NTM: variants seen among roughly 807,000 people sequenced by gnomAD.
NTM encodes the protein neurotrimin, also known as IgLON family member 2.
In NTM, 13 loss-of-function variants were observed where a neutral mutation model predicts 42.1. The observed-to-expected ratio is 0.31, with a 90% CI of 0.20 to 0.49. NTM has a LOEUF of 0.49. Among genes scored for constraint, NTM ranks in the 20% least tolerant of loss-of-function variants. The pLI is 0.99. For missense variants in NTM, 373 were observed against 452.8 expected (o/e 0.82, Z 1.60); for synonymous variants, 187 against 179.2 (o/e 1.04, Z -0.35).
chr11:131,388,806 G>A (rs984052545), intron 1 of NTM, among the ~76,000 whole-genome samples: 5 of 151,812 alleles, frequency 3.3e-5, no homozygotes, highest in South Asian at 2.1e-4. Context: ...GAGGTCAGGA[G>A]TTTGAGACCA....
At chr11:131,779,221 G>A (rs892740693) in intron 1 of NTM, among the ~76,000 whole-genome samples, 1 of 152,172 alleles carries the variant, frequency 6.6e-6, no homozygotes, top group Non-Finnish European at 1.5e-5. Context: ...GAAACCTCAG[G>A]TGAGAATCTC....
intron 2 of NTM, among the ~76,000 whole-genome samples, chr11:132,075,534 T>C (rs563672080): frequency 6.6e-6 from 1 of 152,218 alleles, no homozygotes; most frequent in Non-Finnish European, 1.5e-5. Flanking sequence ...TTTATACATA[T>C]GTATACCTAT....
intron 1 of NTM, among the ~76,000 whole-genome samples, chr11:131,575,948 CA>C (rs1280036102): frequency 4.6e-5 from 7 of 152,152 alleles, no homozygotes; most frequent in Non-Finnish European, 1.0e-4. Flanking sequence ...CTTCTAATAC[CA>C]GGGTTAAAAT....
chr11:132,075,363 A>AT (rs1389330043), intron 2 of NTM, among the ~76,000 whole-genome samples: 5 of 152,238 alleles, frequency 3.3e-5, no homozygotes, highest in African/African-American at 1.2e-4. Flanking sequence ...ACATATTAAA[A>AT]TGTGAAAACA....
chr11:131,976,580 A>C (rs2064419145), intron 2 of NTM, among the ~76,000 whole-genome samples: 1 of 152,162 alleles, frequency 6.6e-6, no homozygotes, highest in Admixed American at 6.5e-5. Context: ...TTTCAGTGTC[A>C]GTTCTTCCTC....
intron 1 of NTM, among the ~76,000 whole-genome samples, chr11:131,874,041 AT>A (rs371155049): frequency 0.022 from 585 of 26,200 alleles, 27 homozygotes; most frequent in African/African-American, 0.062. Flanking sequence ...ATATATATAT[AT>A]ATATATATAT....
chr11:131,696,123 C>A (rs191140964), intron 1 of NTM, among the ~76,000 whole-genome samples: 2 of 152,068 alleles, frequency 1.3e-5, no homozygotes, highest in African/African-American at 2.4e-5. Context: ...GGAAGGAGGG[C>A]GAATTGTACT....
At chr11:131,795,904 AC>A (rs1354215982) in intron 1 of NTM, 319 of 976,470 alleles carry the variant, frequency 3.3e-4, no homozygotes, top group Non-Finnish European at 3.7e-4. Context: ...TGGAGGGATC[AC>A]TTTATTGGAG....
chr11:131,611,632 T>A (rs530861054), intron 1 of NTM, among the ~76,000 whole-genome samples: 3 of 152,320 alleles, frequency 2.0e-5, no homozygotes, highest in East Asian at 3.9e-4. Context: ...ATCACTCCTA[T>A]TGCTAATAGC....
intron 1 of NTM, among the ~76,000 whole-genome samples, chr11:131,641,064 G>C (rs568009997): frequency 6.6e-6 from 1 of 152,304 alleles, no homozygotes; most frequent in Non-Finnish European, 1.5e-5. Context: ...CAGTCTCTCT[G>C]TGCTCATTTG....
chr11:132,071,038 GC>G (rs2057552576), intron 2 of NTM, among the ~76,000 whole-genome samples: 1 of 136,346 alleles, frequency 7.3e-6, no homozygotes. Context: ...ACGTCACTCA[GC>G]CAAGTTAACA....
At chr11:131,871,287 C>G (rs1331584747) in intron 1 of NTM, among the ~76,000 whole-genome samples, 1 of 152,182 alleles carries the variant, frequency 6.6e-6, no homozygotes. Context: ...ACATTTCTTT[C>G]CTTGTTCATT....
intron 1 of NTM, among the ~76,000 whole-genome samples, chr11:131,832,116 T>C (rs7938255): frequency 0.61 from 91,822 of 149,828 alleles, 28,520 homozygotes; most frequent in Admixed American, 0.7. Context: ...ACTCCCAAAT[T>C]GCCCTTCAAA....
chr11:131,701,120 T>C (rs2076029731), intron 1 of NTM, among the ~76,000 whole-genome samples: 2 of 152,204 alleles, frequency 1.3e-5, no homozygotes, highest in Admixed American at 1.3e-4. Context: ...TATAATATAC[T>C]AAAAGAACAA....
intron 4 of NTM, among the ~76,000 whole-genome samples, chr11:132,216,190 T>C (rs952971018): frequency 6.6e-6 from 1 of 152,250 alleles, no homozygotes; most frequent in Non-Finnish European, 1.5e-5. Flanking sequence ...AATAGAAGCA[T>C]GATCTCTTTC....
chr11:131,626,638 C>A (rs963254779), intron 1 of NTM, among the ~76,000 whole-genome samples: 1 of 152,154 alleles, frequency 6.6e-6, no homozygotes, highest in Non-Finnish European at 1.5e-5. Flanking sequence ...GGAAAACAGG[C>A]ATTAATTTGA....
intron 1 of NTM, among the ~76,000 whole-genome samples, chr11:131,558,706 A>G (rs566078287): frequency 1.3e-5 from 2 of 152,310 alleles, no homozygotes; most frequent in South Asian, 4.1e-4. Flanking sequence ...GGAAAGTCAA[A>G]CAAATGTTAT....
At chr11:132,281,118 A>G (rs1457392852) in intron 4 of NTM, among the ~76,000 whole-genome samples, 1 of 152,200 alleles carries the variant, frequency 6.6e-6, no homozygotes, top group Non-Finnish European at 1.5e-5. Context: ...ATCAACATGG[A>G]GCATCACTCC....
chr11:131,789,806 A>AAG (rs1485585610), intron 1 of NTM, among the ~76,000 whole-genome samples: 1 of 150,070 alleles, frequency 6.7e-6, no homozygotes, highest in Non-Finnish European at 1.5e-5. Flanking sequence ...AATACAAAAA[A>AAG]TTAGCCGGGT....
Sources: allele counts gnomAD v4.1 joint callset (sites outside exome capture counted in the v4.1 genomes callset), GRCh38; gene constraint gnomAD v4.1.1; transcripts MANE v1.5; gene names NCBI Gene and HGNC (gene_info 2026-07-23, HGNC 2026-07-21).